The following AGPAT4 variants were observed in gnomAD, a reference collection of about 807,000 sequenced individuals.
AGPAT4 encodes 1-acylglycerol-3-phosphate O-acyltransferase 4, also known as 1-acyl-sn-glycerol-3-phosphate acyltransferase delta.
Under a neutral mutation model 48.0 loss-of-function variants are expected in AGPAT4, and 15 were observed. The observed-to-expected ratio is 0.31, with a 90% CI of 0.21 to 0.48. The LOEUF is 0.48. Among genes scored for constraint, AGPAT4 ranks in the 20% least tolerant of loss-of-function variants. The pLI is 0.99. For synonymous variants in AGPAT4, 178 were observed against 198.7 expected (o/e 0.90, Z 0.88); for missense variants, 314 against 482.5 (o/e 0.65, Z 3.27).
intron 5 of AGPAT4, among the ~76,000 whole-genome samples, chr6:161,152,424 C>G (rs1280504333): frequency 1.3e-5 from 2 of 152,116 alleles, no homozygotes; most frequent in Admixed American, 1.3e-4. Flanking sequence ...GGAGGGCTAC[C>G]CAGGGCCTTC....
chr6:161,174,911 G>A (rs1780386895), intron 2 of AGPAT4, among the ~76,000 whole-genome samples: 1 of 152,160 alleles, frequency 6.6e-6, no homozygotes, highest in Admixed American at 6.5e-5. Flanking sequence ...TGATCGTGTG[G>A]TTTTTGTCTT....
In AGPAT4 at chr6:161,155,963, T is replaced by C. The variant is rs1779756673; in HGVS notation, c.349-1653A>G. On this transcript the variant is annotated intron_variant, in intron 3 of 8. Coordinates refer to ENST00000320285, the MANE Select transcript of AGPAT4 (RefSeq NM_020133.3). The surrounding 1 kb of genome is among the most constrained non-coding windows in gnomAD (Gnocchi z 5.8). ...CCATGCAGCCAATCATGGCTTCTGCTGGGGAAAAGCACTCTCAGGGATATT... is the reference window on the plus strand; with the variant it reads ...CCATGCAGCCAATCATGGCTTCTGCCGGGGAAAAGCACTCTCAGGGATATT... 6.6e-6 allele frequency among the ~76,000 whole-genome samples: 1 copy of C among 152,346 alleles called. No homozygotes were observed. Among genetic ancestry groups the C allele is most frequent in the Admixed American group, 6.5e-5 (1 of 15,300 alleles).
chr6:161,190,374 A>T (rs1327175342), intron 2 of AGPAT4, among the ~76,000 whole-genome samples: 1 of 152,206 alleles, frequency 6.6e-6, no homozygotes, highest in East Asian at 1.9e-4. Context: ...ATTTTCTGTA[A>T]ACTTAAAAGT....
At chr6:161,228,046 C>T (rs898291076) in intron 2 of AGPAT4, among the ~76,000 whole-genome samples, 7 of 152,090 alleles carry the variant, frequency 4.6e-5, no homozygotes, top group Non-Finnish European at 1.0e-4. Context: ...GAAGAAAGAT[C>T]AAGACACCCT....
chr6:161,187,117 C>A (rs1355690788), intron 2 of AGPAT4, among the ~76,000 whole-genome samples: 1 of 152,242 alleles, frequency 6.6e-6, no homozygotes, highest in Non-Finnish European at 1.5e-5. Flanking sequence ...TAATCACTCA[C>A]AGAACTGCTG....
Position 161,196,331 on chromosome 6 carries a change from A to T in AGPAT4, c.179-29914T>A, listed in dbSNP as rs574341531. On this transcript the variant is annotated intron_variant, in intron 2 of 8. Coordinates refer to ENST00000320285, the MANE Select transcript of AGPAT4 (RefSeq NM_020133.3). The surrounding 1 kb of genome is among the most constrained non-coding windows in gnomAD (Gnocchi z 4.3). ...AAAGTGTTTGAAAAGGAAAAAAAAG[A>T]GGCAGTCAGGGCAAACCCAACAGAT... Among the ~76,000 whole-genome samples the T allele has an allele frequency of 6.6e-6, 1 of 152,168 alleles. No individual in the cohort carries two copies. The highest frequency in any genetic ancestry group is 1.5e-5 in the Non-Finnish European group (1 of 68,034).
In AGPAT4 at chr6:161,136,336, A is replaced by T; in HGVS notation, c.*204T>A. On this transcript the variant is annotated 3_prime_UTR_variant, in exon 9 of 9. Coordinates refer to ENST00000320285, the MANE Select transcript of AGPAT4 (RefSeq NM_020133.3). ...TCGCACAAAAAGAAAACCAAAGCCC[A>T]CTAAAGCACATGGGGAAAAAAAGAT... is the stretch of plus-strand genomic sequence containing the variant. 1.7e-6 allele frequency: 1 copy of T among 576,802 alleles called. No individual in the cohort carries two copies. Among genetic ancestry groups the T allele is most frequent in the Non-Finnish European group, 3.1e-6 (1 of 322,434 alleles). The allele number at this position is 576,802 out of a possible 1,614,324, so 35.7% of individuals were successfully genotyped here. A position where few individuals can be genotyped will look rare whatever the true frequency, so the allele number is the denominator to read the frequency against.
Position 161,237,314 on chromosome 6 carries a change from G to A in AGPAT4, c.-89-5012C>T, listed in dbSNP as rs1223962764. 3.9e-5 allele frequency among the ~76,000 whole-genome samples: 6 copies of A among 152,320 alleles called. No individual in the cohort carries two copies. The South Asian group carries it at 8.3e-4, about 21-fold the overall frequency. On this transcript the variant is annotated intron_variant, in intron 1 of 8. Transcript: ENST00000320285. ...CTGGCAGTCCTCAAGGGCACATACT[G>A]AAAAAGTGTTGGCTATGAGTCTGTG...
At chr6:161,260,983 C>A (rs1317199125) in intron 1 of AGPAT4, among the ~76,000 whole-genome samples, 2 of 152,242 alleles carry the variant, frequency 1.3e-5, no homozygotes, top group Non-Finnish European at 2.9e-5. Context: ...TAGAGGAGTG[C>A]ACACTGAACC....
rs760747911 is a variant in AGPAT4 at position 161,143,826 on chromosome 6, G to A, written c.843+2698C>T. On this transcript the variant is annotated intron_variant, in intron 7 of 8. Transcript: ENST00000320285. This position sits in a 1 kb window ranked among gnomAD's most constrained non-coding sequence, Gnocchi z 4.7. The stretch of plus-strand genomic sequence containing the variant: ...CGAGTTTCTCTTTATTTATGTCCAT[G>A]CTTGGAAAGACCAGAATGTTGGCAC... 12 of 259,060 alleles carry A rather than the reference G, an allele frequency of 4.6e-5. No individual in the cohort carries two copies. Among genetic ancestry groups the A allele is most frequent in the Non-Finnish European group, 7.6e-5 (10 of 130,942 alleles). The allele number at this position is 259,060 out of a possible 1,614,324, so 16.0% of individuals were successfully genotyped here. A position where few individuals can be genotyped will look rare whatever the true frequency, so the allele number is the denominator to read the frequency against.
Position 161,166,209 on chromosome 6 carries a change from G to T in AGPAT4, c.348+39C>A, listed in dbSNP as rs763017927. The T allele has an allele frequency of 1.1e-5, 18 of 1,604,986 alleles. No individual in the cohort carries two copies. The highest frequency in any genetic ancestry group is 1.5e-5 in the Non-Finnish European group (18 of 1,174,796). On this transcript the variant is annotated intron_variant, in intron 3 of 8. Transcript: ENST00000320285. This position sits in a 1 kb window ranked among gnomAD's most constrained non-coding sequence, Gnocchi z 6.7. ...AGACAAGTGGTGGGGCTGAACCAGA[G>T]AAATGTGTGAGGCAGGGGGGAATGC...
At position 161,155,012 on chromosome 6, in the gene AGPAT4, G is replaced by A. The variant is rs1434002927; in HGVS notation, c.349-702C>T. Among the ~76,000 whole-genome samples the A allele has an allele frequency of 1.3e-5, 2 of 152,340 alleles. No individual in the cohort carries two copies. Among genetic ancestry groups the A allele is most frequent in the Non-Finnish European group, 2.9e-5 (2 of 68,024 alleles). On this transcript the variant is annotated intron_variant, in intron 3 of 8. Coordinates refer to ENST00000320285, the MANE Select transcript of AGPAT4 (RefSeq NM_020133.3). This position sits in a 1 kb window ranked among gnomAD's most constrained non-coding sequence, Gnocchi z 5.8. ...AAACCCAGACCAGGAGATGTGCTCG[G>A]TGCCCTCCACACCCGCTGCCAGCAT...
rs1781551259 is a variant in AGPAT4 at position 161,212,715 on chromosome 6, A to G, written c.178+19321T>C. 6.6e-6 allele frequency among the ~76,000 whole-genome samples: 1 copy of G among 152,154 alleles called. No individual in the cohort carries two copies. The highest frequency in any genetic ancestry group is 1.5e-5 in the Non-Finnish European group (1 of 68,018). ...AATTTCCTTGTCAATTGTGTCTTTC[A>G]CTATGGCTACCCTAATACATTTTGT... On this transcript the variant is annotated intron_variant, in intron 2 of 8. Coordinates refer to ENST00000320285, the MANE Select transcript of AGPAT4 (RefSeq NM_020133.3). This position sits in a 1 kb window ranked among gnomAD's most constrained non-coding sequence, Gnocchi z 6.1.
rs1173805790 is a variant in AGPAT4, at chr6:161,221,319, G to A, written c.178+10717C>T. 6.6e-6 allele frequency among the ~76,000 whole-genome samples: 1 copy of A among 152,122 alleles called. No individual in the cohort carries two copies. Among genetic ancestry groups the A allele is most frequent in the Non-Finnish European group, 1.5e-5 (1 of 68,032 alleles). ...CCTTCCTCCACGTCCAATGTCACCA[G>A]CCAGCCGCACTTTACTCCTTTGAGT... On this transcript the variant is annotated intron_variant, in intron 2 of 8. Transcript: ENST00000320285. This position sits in a 1 kb window ranked among gnomAD's most constrained non-coding sequence, Gnocchi z 4.5.
Position 161,202,244 on chromosome 6 carries a change from G to A in AGPAT4, c.178+29792C>T, listed in dbSNP as rs1221591625. Among the ~76,000 whole-genome samples, 2 of 152,194 alleles carry A rather than the reference G, an allele frequency of 1.3e-5. No individual in the cohort carries two copies. Among genetic ancestry groups the A allele is most frequent in the Non-Finnish European group, 2.9e-5 (2 of 68,046 alleles). ...GTTCTGGCTTGGGGTCTCTGGGGAT[G>A]TCGCAGTCAAGATGTCAGCTGGGGC... On this transcript the variant is annotated intron_variant, in intron 2 of 8. Coordinates refer to ENST00000320285, the MANE Select transcript of AGPAT4 (RefSeq NM_020133.3). This position sits in a 1 kb window ranked among gnomAD's most constrained non-coding sequence, Gnocchi z 5.4.
At chr6:161,239,424 G>A (rs575616191) in intron 1 of AGPAT4, among the ~76,000 whole-genome samples, 1 of 152,308 alleles carries the variant, frequency 6.6e-6, no homozygotes, top group African/African-American at 2.4e-5. Flanking sequence ...GTCATACTCA[G>A]GAAGACAGGC....
rs1470197560 is a variant in AGPAT4 at position 161,159,123 on chromosome 6, C to T, written c.349-4813G>A. ...AGTCCTTTGACTGTTTTCTTGACTA[C>T]CAGCTGGAGCCACTGTAGCAAATGT... is the stretch of plus-strand genomic sequence containing the variant. On this transcript the variant is annotated intron_variant, in intron 3 of 8. Transcript: ENST00000320285. This position sits in a 1 kb window ranked among gnomAD's most constrained non-coding sequence, Gnocchi z 4.1. Among the ~76,000 whole-genome samples the T allele has an allele frequency of 6.6e-6, 1 of 152,166 alleles. No individual in the cohort carries two copies. Among genetic ancestry groups the T allele is most frequent in the Non-Finnish European group, 1.5e-5 (1 of 68,024 alleles).
chr6:161,157,270 C>T (rs112265536), intron 3 of AGPAT4, among the ~76,000 whole-genome samples: 149 of 152,346 alleles, frequency 9.8e-4, no homozygotes, highest in African/African-American at 3.1e-3. Context: ...AGCATGCTTT[C>T]GCCATCTGCT....
At chr6:161,145,604 CT>C (rs1779395827) in intron 7 of AGPAT4, among the ~76,000 whole-genome samples, 1 of 151,608 alleles carries the variant, frequency 6.6e-6, no homozygotes. Flanking sequence ...TGTTAAGAGT[CT>C]TGTGGACTAA....
Sources: allele counts gnomAD v4.1 joint callset (sites outside exome capture counted in the v4.1 genomes callset), GRCh38; gene constraint gnomAD v4.1.1; non-coding constraint Gnocchi (gnomAD v3.1); transcripts MANE v1.5; gene names NCBI Gene and HGNC (gene_info 2026-07-23, HGNC 2026-07-21).